FAAH2: variants seen among roughly 807,000 people sequenced by gnomAD.
FAAH2 encodes fatty acid amide hydrolase 2.
In FAAH2, 60 loss-of-function variants were observed where a neutral mutation model predicts 36.9. The observed-to-expected ratio is 1.63, with a 90% CI of 1.32 to 2.02. The LOEUF (loss-of-function observed/expected upper bound fraction) is 2.02. Among genes scored for constraint, FAAH2 ranks in the 30% most tolerant of loss-of-function variants. The pLI, the probability that FAAH2 is intolerant of heterozygous loss-of-function variation, is 0.00. For missense variants in FAAH2, 689 were observed against 397.5 expected (o/e 1.73, Z -6.23); for synonymous variants, 214 against 143.8 (o/e 1.49, Z -3.49).
At chrX:57,421,167 C>G (rs1318396185) in intron 7 of FAAH2, among the ~76,000 whole-genome samples, 1 of 112,142 alleles carries the variant, frequency 8.9e-6, no homozygotes, top group African/African-American at 3.2e-5. Flanking sequence ...TGTTTTTGGC[C>G]GGGTGAAGTG....
At chrX:57,222,222 G>A in the FAAH2 span, among the ~76,000 whole-genome samples, 22 of 110,367 alleles carry the variant, frequency 2.0e-4, no homozygotes, top group Admixed American at 4.8e-4. Context: ...TCCCTCCTTC[G>A]CTCTATCTGC....
the FAAH2 span, among the ~76,000 whole-genome samples, chrX:57,247,384 TA>T: frequency 8.9e-5 from 10 of 111,772 alleles, no homozygotes; most frequent in Non-Finnish European, 1.9e-4. Context: ...ATTTGAATAG[TA>T]TAAAATTAGA....
chrX:57,398,731 C>A (rs1178341161), intron 7 of FAAH2, among the ~76,000 whole-genome samples: 1 of 111,352 alleles, frequency 9.0e-6, no homozygotes, highest in African/African-American at 3.3e-5. Flanking sequence ...CTGTTTTAAC[C>A]TAATTAGCAT....
the FAAH2 span, chrX:57,137,544 A>G: frequency 8.0e-6 from 1 of 124,831 alleles, no homozygotes; most frequent in African/African-American, 3.2e-5. Flanking sequence ...CTACAGTGTT[A>G]GTTTCCTCTT....
At chrX:57,220,524 C>G in the FAAH2 span, among the ~76,000 whole-genome samples, 3 of 111,825 alleles carry the variant, frequency 2.7e-5, no homozygotes, top group Non-Finnish European at 3.8e-5. Flanking sequence ...AGCTTGACGA[C>G]GGCCGTCAAA....
chrX:57,159,214 C>T, the FAAH2 span, among the ~76,000 whole-genome samples: 1 of 111,592 alleles, frequency 9.0e-6, no homozygotes, highest in Admixed American at 9.5e-5. Flanking sequence ...TGTTTTGGTA[C>T]CAGTACCATG....
At chrX:57,296,714 T>G (rs2052173587) in intron 2 of FAAH2, among the ~76,000 whole-genome samples, 1 of 111,186 alleles carries the variant, frequency 9.0e-6, no homozygotes, top group Admixed American at 9.6e-5. Context: ...GAAAAAAGAT[T>G]AGATGAATGG....
chrX:57,273,067 T>C, the FAAH2 span, among the ~76,000 whole-genome samples: 2 of 111,924 alleles, frequency 1.8e-5, no homozygotes, highest in African/African-American at 6.5e-5. Context: ...GATGGAGGGA[T>C]ACTTATCAAG....
Position 57,352,044 on chromosome X carries a change from ATATGTG to A in FAAH2, c.742+10658_742+10663del, listed in dbSNP as rs1431362417. 1.6e-3 allele frequency among the ~76,000 whole-genome samples: 29 copies of A among 17,760 alleles called. 3 individuals are homozygous for A. The highest frequency in any genetic ancestry group is 3.6e-3 in the African/African-American group (22 of 6,197). The allele number at this position is 17,760 out of a possible 115,157, so 15.4% of individuals were successfully genotyped here. A position where few individuals can be genotyped will look rare whatever the true frequency, so the allele number is the denominator to read the frequency against. On this transcript the variant is annotated intron_variant, in intron 5 of 10. Coordinates refer to ENST00000374900, the MANE Select transcript of FAAH2 (RefSeq NM_174912.4). ...TGTATATATATATATATACATATAT[ATATGTG>A]TATATATATATATATACACATATAT...
chrX:57,238,332 T>C, the FAAH2 span, among the ~76,000 whole-genome samples: 1 of 111,797 alleles, frequency 8.9e-6, no homozygotes, highest in Non-Finnish European at 1.9e-5. Context: ...AAGAATGAGA[T>C]CATGTCCTTT....
chrX:57,213,630 A>G, the FAAH2 span, among the ~76,000 whole-genome samples: 1 of 111,969 alleles, frequency 8.9e-6, no homozygotes, highest in Non-Finnish European at 1.9e-5. Flanking sequence ...ATGTGTTTGT[A>G]TAGTTTCAAA....
rs182491704 is a variant in FAAH2, at chrX:57,383,316, T to C, written c.996+2287T>C. 2.5e-3 allele frequency among the ~76,000 whole-genome samples: 280 copies of C among 111,842 alleles called. 1 individual carries two copies. Among genetic ancestry groups the C allele is most frequent in the African/African-American group, 8.7e-3 (267 of 30,769 alleles). ...CTCCTATGCAACATAGTGTTGGAAG[T>C]TCTGGTCAGGGAAATCAGGCAGCAG... is the stretch of plus-strand genomic sequence containing the variant. On this transcript the variant is annotated intron_variant, in intron 7 of 10. Coordinates refer to ENST00000374900, the MANE Select transcript of FAAH2 (RefSeq NM_174912.4).
At chrX:57,368,754 G>A (rs936485067) in intron 5 of FAAH2, among the ~76,000 whole-genome samples, 2 of 111,119 alleles carry the variant, frequency 1.8e-5, no homozygotes, top group Admixed American at 1.9e-4. Flanking sequence ...TGATAATATT[G>A]GAAAAGATAA....
At chrX:57,422,859 A>T (rs2056071154) in intron 7 of FAAH2, among the ~76,000 whole-genome samples, 1 of 112,577 alleles carries the variant, frequency 8.9e-6, no homozygotes, top group African/African-American at 3.2e-5. Flanking sequence ...GTAAAATTTT[A>T]TCCAAGAAGG....
intron 2 of FAAH2, among the ~76,000 whole-genome samples, chrX:57,294,513 A>G (rs1245247950): frequency 9.0e-6 from 1 of 111,468 alleles, no homozygotes; most frequent in Non-Finnish European, 1.9e-5. Flanking sequence ...CTTTTCCCAA[A>G]TCTATCTTCT....
Position 57,378,657 on chromosome X carries a change from T to C in FAAH2, c.749T>C (p.Val250Ala). Residue 250 changes from valine (V) to alanine (A), a missense_variant, in exon 6 of 11, where the codon GTT becomes GCT. Coordinates refer to ENST00000374900, the MANE Select transcript of FAAH2 (RefSeq NM_174912.4). ...IFGHKPSPGV[V>A]PNKGQFPLAV... ...TGACTGTCTATCCTTTCAGGTGTGGTTCCCAACAAAGGTCAGTTTCCCTTG... is the reference window on the plus strand; with the variant it reads ...TGACTGTCTATCCTTTCAGGTGTGGCTCCCAACAAAGGTCAGTTTCCCTTG... The C allele has an allele frequency of 8.3e-7, 1 of 1,211,182 alleles. No individual in the cohort carries two copies. The highest frequency in any genetic ancestry group is 1.1e-6 in the Non-Finnish European group (1 of 895,151).
intron 10 of FAAH2, among the ~76,000 whole-genome samples, chrX:57,475,853 T>A (rs2057257113): frequency 8.9e-6 from 1 of 112,012 alleles, no homozygotes; most frequent in African/African-American, 3.2e-5. Flanking sequence ...TTTGTTTATG[T>A]CCTTTCTTAT....
At chrX:57,474,639 T>G (rs2057232107) in intron 10 of FAAH2, among the ~76,000 whole-genome samples, 1 of 112,043 alleles carries the variant, frequency 8.9e-6, no homozygotes, top group African/African-American at 3.2e-5. Flanking sequence ...TCCAAGTCTT[T>G]GCTATTGTAA....
At chrX:57,448,411 C>T in intron 9 of FAAH2, 113 bp from the exon 10 acceptor site, 2 of 729,111 alleles carry the variant, frequency 2.7e-6, no homozygotes, top group Non-Finnish European at 3.9e-6. Flanking sequence ...CCATCACTTA[C>T]TTTCTCAGTG....
Sources: gnomAD v4.1 joint callset for allele counts (sites outside exome capture counted in the v4.1 genomes callset) on GRCh38, gnomAD v4.1.1 for gene constraint, MANE v1.5 for transcripts, NCBI Gene and HGNC (gene_info 2026-07-23, HGNC 2026-07-21) for gene names.